SNX9: variants seen among roughly 807,000 people sequenced by gnomAD.
SNX9 encodes the protein sorting nexin 9.
Under a neutral mutation model 89.4 loss-of-function variants are expected in SNX9, and 44 were observed. That is an observed-to-expected ratio of 0.49 (90% CI 0.39 to 0.63). The LOEUF (loss-of-function observed/expected upper bound fraction) is 0.63, where lower values mean the gene tolerates loss of function less well. Ranked by LOEUF, SNX9 falls within the 30% of genes least tolerant of loss-of-function variation. The pLI is 0.00. For synonymous variants in SNX9, 236 were observed against 247.8 expected (o/e 0.95, Z 0.45); for missense variants, 578 against 736.1 (o/e 0.79, Z 2.49).
chr6:157,867,534 C>A lies in SNX9; in HGVS notation c.13-13C>A. 1 of 1,604,292 alleles carries A rather than the reference C, an allele frequency of 6.2e-7. No homozygotes were observed. Among genetic ancestry groups the A allele is most frequent in the East Asian group, 2.2e-5 (1 of 44,740 alleles). ...TGTTTGTAACATCCTCTTTTCCTCT[C>A]CACTCCTGATAGGCTCGGGTTATGT... On this transcript the variant is annotated splice_polypyrimidine_tract_variant and intron_variant, in intron 1 of 17. Coordinates refer to ENST00000392185, the MANE Select transcript of SNX9 (RefSeq NM_016224.5).
rs978569831 is a variant in SNX9 at position 157,890,347 on chromosome 6, T to C, written c.301-6480T>C. On this transcript the variant is annotated intron_variant, in intron 4 of 17. Coordinates refer to ENST00000392185, the MANE Select transcript of SNX9 (RefSeq NM_016224.5). Reference sequence around the variant, plus strand: ...CAAGCCAGTCTACTTTCTGAAGAAATTTAGCTAATGCTGTAAATCCTTTGA... The same window carrying C: ...CAAGCCAGTCTACTTTCTGAAGAAACTTAGCTAATGCTGTAAATCCTTTGA... 2.0e-5 allele frequency among the ~76,000 whole-genome samples: 3 copies of C among 152,264 alleles called. No homozygotes were observed. In the South Asian group the frequency reaches 6.2e-4, roughly 32 times the overall value.
chr6:157,880,456 T>C (rs767735697), intron 4 of SNX9, among the ~76,000 whole-genome samples: 51 of 152,320 alleles, frequency 3.3e-4, no homozygotes, highest in Middle Eastern at 3.4e-3. Flanking sequence ...ATTTGCCCAA[T>C]TTCTAGCTTT....
At chr6:157,889,249 G>A (rs953273342) in intron 4 of SNX9, among the ~76,000 whole-genome samples, 22 of 152,122 alleles carry the variant, frequency 1.4e-4, no homozygotes, top group Admixed American at 1.0e-3. Flanking sequence ...TGGCCAACAT[G>A]GTGAAACCCC....
chr6:157,923,371 A>C (rs1216294287), intron 10 of SNX9, among the ~76,000 whole-genome samples: 1 of 152,166 alleles, frequency 6.6e-6, no homozygotes, highest in Admixed American at 6.5e-5. Context: ...AGTGGTTAGT[A>C]AGGTAGCTGG....
intron 1 of SNX9, among the ~76,000 whole-genome samples, chr6:157,858,173 G>A (rs1189182819): frequency 6.6e-6 from 1 of 152,078 alleles, no homozygotes; most frequent in Non-Finnish European, 1.5e-5. Context: ...GCCTATGTTA[G>A]TATCACATAT....
intron 10 of SNX9, among the ~76,000 whole-genome samples, chr6:157,922,941 C>T (rs1371846011): frequency 6.6e-6 from 1 of 152,194 alleles, no homozygotes; most frequent in East Asian, 1.9e-4. Context: ...TGTTGCCTTC[C>T]TGGTTCCCAC....
chr6:157,859,276 CTT>C (rs1483704867), intron 1 of SNX9, among the ~76,000 whole-genome samples: 1 of 152,094 alleles, frequency 6.6e-6, no homozygotes, highest in Admixed American at 6.5e-5. Context: ...AAATTAATTT[CTT>C]GTTTTATTTA....
At chr6:157,851,884 C>T (rs1158725108) in intron 1 of SNX9, among the ~76,000 whole-genome samples, 4 of 152,176 alleles carry the variant, frequency 2.6e-5, no homozygotes, top group East Asian at 1.9e-4. Flanking sequence ...CCACCGTGCC[C>T]GGCCTGTTTG....
At chr6:157,877,503 G>A (rs1172160112) in intron 4 of SNX9, among the ~76,000 whole-genome samples, 1 of 152,178 alleles carries the variant, frequency 6.6e-6, no homozygotes, top group African/African-American at 2.4e-5. Flanking sequence ...GGTACATTTT[G>A]TAAATACCAT....
At chr6:157,907,949 G>A (rs1783253194) in intron 7 of SNX9, among the ~76,000 whole-genome samples, 1 of 152,202 alleles carries the variant, frequency 6.6e-6, no homozygotes, top group African/African-American at 2.4e-5. Context: ...TTGGATCTGG[G>A]CTCTCCCTGA....
chr6:157,836,046 C>G (rs557193504), intron 1 of SNX9, among the ~76,000 whole-genome samples: 106 of 152,312 alleles, frequency 7.0e-4, no homozygotes, highest in African/African-American at 2.4e-3. Flanking sequence ...ATCCTTCTGC[C>G]TCAGCCTCCC....
At chr6:157,935,769 G>T (rs934169033) in intron 13 of SNX9, among the ~76,000 whole-genome samples, 195 bp from the exon 14 acceptor site, 1 of 152,188 alleles carries the variant, frequency 6.6e-6, no homozygotes, top group African/African-American at 2.4e-5. Flanking sequence ...GGGTGTAGAC[G>T]AACACAGGCT....
intron 16 of SNX9, among the ~76,000 whole-genome samples, chr6:157,939,465 T>C (rs1783992273): frequency 6.6e-6 from 1 of 152,010 alleles, no homozygotes; most frequent in Non-Finnish European, 1.5e-5. Context: ...GATTTGCTGG[T>C]TATGGAGGGG....
chr6:157,904,695 T>C (rs1266647843), intron 6 of SNX9, among the ~76,000 whole-genome samples: 1 of 151,862 alleles, frequency 6.6e-6, no homozygotes, highest in Non-Finnish European at 1.5e-5. Flanking sequence ...GGCGACAGAG[T>C]GAGACTCTGT....
At chr6:157,904,571 C>T (rs1465500837) in intron 6 of SNX9, among the ~76,000 whole-genome samples, 1 of 151,728 alleles carries the variant, frequency 6.6e-6, no homozygotes. Flanking sequence ...ATATATAATC[C>T]CCACAGAAGC....
chr6:157,826,944 A>ATATATTATAGTTTATATAATATATACAT (rs1476241660), intron 1 of SNX9, among the ~76,000 whole-genome samples: 2 of 58,254 alleles, frequency 3.4e-5, no homozygotes, highest in South Asian at 4.5e-4. Context: ...TAATATATAA[A>ATATATTATAGTTTATATAATATATACAT]ATATATTATA....
At chr6:157,936,434 G>A (rs1434833318) in intron 14 of SNX9, among the ~76,000 whole-genome samples, 2 of 152,090 alleles carry the variant, frequency 1.3e-5, no homozygotes, top group Non-Finnish European at 2.9e-5. Flanking sequence ...GCTTGAGCCC[G>A]GGAAGTCAAG....
At chr6:157,871,820 A>G (rs1314223337) in intron 2 of SNX9, among the ~76,000 whole-genome samples, 4 of 129,190 alleles carry the variant, frequency 3.1e-5, no homozygotes, top group African/African-American at 9.0e-5. Flanking sequence ...CCTGTCACCC[A>G]GGCTGGAGTG....
intron 17 of SNX9, among the ~76,000 whole-genome samples, chr6:157,941,259 CCT>C (rs1272389963): frequency 1.3e-5 from 2 of 152,122 alleles, no homozygotes; most frequent in Admixed American, 1.3e-4. Flanking sequence ...CCCGTCACAG[CCT>C]CTCTGTGCCT....
Sources: gnomAD v4.1 joint callset for allele counts (sites outside exome capture counted in the v4.1 genomes callset) on GRCh38, gnomAD v4.1.1 for gene constraint, MANE v1.5 for transcripts, NCBI Gene and HGNC (gene_info 2026-07-23, HGNC 2026-07-21) for gene names.